ENTREP2: variants seen among roughly 807,000 people sequenced by gnomAD.
ENTREP2 encodes endosomal transmembrane epsin interactor 2, also known as protein ENTREP2.
the ENTREP2 span, among the ~76,000 whole-genome samples, chr15:29,521,257 C>T: frequency 6.6e-6 from 1 of 152,324 alleles, no homozygotes; most frequent in Admixed American, 6.5e-5. Flanking sequence ...TTCCAATCAA[C>T]ATCCCAGCAG....
At chr15:29,306,236 A>G in the ENTREP2 span, among the ~76,000 whole-genome samples, 1 of 152,250 alleles carries the variant, frequency 6.6e-6, no homozygotes, top group Admixed American at 6.5e-5. Flanking sequence ...CAGCATAGAC[A>G]GGAACCTGGA....
At chr15:29,212,131 T>A in the ENTREP2 span, among the ~76,000 whole-genome samples, 2 of 152,218 alleles carry the variant, frequency 1.3e-5, no homozygotes, top group Non-Finnish European at 2.9e-5. Context: ...TGGTAATTTT[T>A]AAATTGTCAT....
At chr15:29,621,982 T>G in the ENTREP2 span, among the ~76,000 whole-genome samples, 1 of 152,214 alleles carries the variant, frequency 6.6e-6, no homozygotes, top group South Asian at 2.1e-4. Flanking sequence ...AAATACCGCG[T>G]TATTCCACTT....
At chr15:29,404,915 T>C in the ENTREP2 span, among the ~76,000 whole-genome samples, 1 of 151,312 alleles carries the variant, frequency 6.6e-6, no homozygotes, top group Admixed American at 6.6e-5. Flanking sequence ...CTCAAATCCA[T>C]CCAAATCAGG....
chr15:29,249,084 G>A, the ENTREP2 span, among the ~76,000 whole-genome samples: 1 of 152,184 alleles, frequency 6.6e-6, no homozygotes, highest in South Asian at 2.1e-4. Flanking sequence ...CAAGGCAGGC[G>A]GATCACCTGA....
the ENTREP2 span, among the ~76,000 whole-genome samples, chr15:29,417,344 A>T: frequency 6.6e-6 from 1 of 152,208 alleles, no homozygotes; most frequent in Non-Finnish European, 1.5e-5. Flanking sequence ...TGTCCTTTGT[A>T]GGGACATGGA....
chr15:29,532,882 T>C, the ENTREP2 span, among the ~76,000 whole-genome samples: 14 of 152,120 alleles, frequency 9.2e-5, no homozygotes, highest in African/African-American at 4.8e-5. Flanking sequence ...AAAATAAATA[T>C]AAAGCATTAA....
chr15:29,360,541 CATT>C, the ENTREP2 span, among the ~76,000 whole-genome samples: 3 of 152,204 alleles, frequency 2.0e-5, no homozygotes, highest in Admixed American at 6.5e-5. Context: ...CAATATTCAT[CATT>C]AATACAGTGA....
the ENTREP2 span, among the ~76,000 whole-genome samples, chr15:29,481,640 C>T: frequency 6.6e-6 from 1 of 152,094 alleles, no homozygotes; most frequent in Non-Finnish European, 1.5e-5. Context: ...AAATTATATG[C>T]TTAACATAGC....
chr15:29,598,785 C>G, the ENTREP2 span, among the ~76,000 whole-genome samples: 1 of 152,162 alleles, frequency 6.6e-6, no homozygotes, highest in South Asian at 2.1e-4. Context: ...CAAGCTTCAC[C>G]TCTCAGGTTC....
the ENTREP2 span, among the ~76,000 whole-genome samples, chr15:29,474,357 T>A: frequency 6.6e-6 from 1 of 152,132 alleles, no homozygotes; most frequent in Non-Finnish European, 1.5e-5. Context: ...GTAGGGGCCC[T>A]GAGATGACAG....
chr15:29,404,528 A>AAC, the ENTREP2 span, among the ~76,000 whole-genome samples: 1 of 151,762 alleles, frequency 6.6e-6, no homozygotes, highest in African/African-American at 2.4e-5. Flanking sequence ...TTGCAGAAGG[A>AAC]ACACCCTCCT....
chr15:29,604,692 C>A, the ENTREP2 span, among the ~76,000 whole-genome samples: 1 of 152,132 alleles, frequency 6.6e-6, no homozygotes, highest in South Asian at 2.1e-4. Context: ...TGTTTTATTT[C>A]TCTTGGCAAA....
At chr15:29,150,031 C>T in the ENTREP2 span, among the ~76,000 whole-genome samples, 7 of 152,214 alleles carry the variant, frequency 4.6e-5, no homozygotes, top group Non-Finnish European at 8.8e-5. Context: ...CTCAGCCCAC[C>T]GCGTCTGCAG....
At chr15:29,430,833 G>A in the ENTREP2 span, among the ~76,000 whole-genome samples, 3 of 152,228 alleles carry the variant, frequency 2.0e-5, no homozygotes, top group African/African-American at 4.8e-5. Context: ...ACTCTGAGTC[G>A]GATGGATTGA....
At chr15:29,666,971 G>C in the ENTREP2 span, among the ~76,000 whole-genome samples, 2 of 152,040 alleles carry the variant, frequency 1.3e-5, no homozygotes, top group African/African-American at 4.8e-5. Flanking sequence ...TTATAGACGC[G>C]TCATTCCAAT....
chr15:29,201,830 G>C, the ENTREP2 span, among the ~76,000 whole-genome samples: 5 of 152,024 alleles, frequency 3.3e-5, no homozygotes, highest in African/African-American at 7.3e-5. Context: ...TATTTTTTCA[G>C]AGAAATTGTG....
chr15:29,432,780 C>A, the ENTREP2 span, among the ~76,000 whole-genome samples: 1 of 152,062 alleles, frequency 6.6e-6, no homozygotes, highest in Non-Finnish European at 1.5e-5. Flanking sequence ...CCTGCTGCAG[C>A]CTCCCCAGAC....
the ENTREP2 span, among the ~76,000 whole-genome samples, chr15:29,478,021 T>TATATATA: frequency 1.1e-5 from 1 of 92,488 alleles, no homozygotes; most frequent in African/African-American, 4.6e-5. Flanking sequence ...ATATATATAT[T>TATATATA]TTTTTTTTTT....
Sources: gnomAD v4.1 joint callset for allele counts (sites outside exome capture counted in the v4.1 genomes callset) on GRCh38, gnomAD v4.1.1 for gene constraint, MANE v1.5 for transcripts, NCBI Gene and HGNC (gene_info 2026-07-23, HGNC 2026-07-21) for gene names.